The following SPX variants were observed in gnomAD, a reference collection of about 807,000 sequenced individuals.
SPX encodes the protein spexin.
SPX carries 22 observed loss-of-function variants against 19.2 expected under a neutral mutation model. The ratio of observed to expected loss-of-function variants is 1.15; its 90% CI spans 0.82 to 1.64. The LOEUF is 1.64. Ranked by LOEUF, SPX falls within the 40% of genes most tolerant of loss-of-function variation. SPX has a pLI of 0.00. For missense variants in SPX, 143 were observed against 137.7 expected (o/e 1.04, Z -0.19); for synonymous variants, 50 against 53.3 (o/e 0.94, Z 0.27).
Position 21,532,307 on chromosome 12 carries a change from A to C in SPX, c.*1112A>C, listed in dbSNP as rs1158880342. 1 of 152,252 alleles carries C rather than the reference A, an allele frequency of 6.6e-6. No homozygotes were observed. The allele number at this position is 152,252 out of a possible 1,614,324, so 9.4% of individuals were successfully genotyped here. On this transcript the variant is annotated 3_prime_UTR_variant, in exon 6 of 6. Coordinates refer to ENST00000256969, the MANE Select transcript of SPX (RefSeq NM_030572.4). ...GAAAGTATTAATTCTTATTGTCATC[A>C]GTATTTAGCCATTATTTAGTAGCTC...
chr12:21,530,651 C>T (rs1027254966), intron 5 of SPX, among the ~76,000 whole-genome samples: 3 of 152,146 alleles, frequency 2.0e-5, no homozygotes, highest in Non-Finnish European at 4.4e-5. Flanking sequence ...AGCCAGCAAA[C>T]GAGTGCCTCT....
chr12:21,527,474 CCGACCTCCGCTCCAAAGCGCCCTTG>C (rs1943825100), intron 3 of SPX: 1 of 600,026 alleles, frequency 1.7e-6, no homozygotes, highest in Middle Eastern at 4.4e-4. Context: ...TCTCAGTAAC[CCGACCTCCGCTCCAAAGCGCCCTTG>C]CGGCGTCCGG....
intron 4 of SPX, chr12:21,528,134 GA>G (rs1316382727): frequency 3.8e-6 from 1 of 266,496 alleles, no homozygotes; most frequent in African/African-American, 2.2e-5. Flanking sequence ...GTTAGGACCT[GA>G]GGTGCAGCTC....
Position 21,531,334 on chromosome 12 carries a change from T to C in SPX, c.*139T>C. ...TAGTTTTATTCTTTCAGAAACAAAA[T>C]ATATATAGGATGCTTAGCTGAGAAC... On this transcript the variant is annotated 3_prime_UTR_variant, in exon 6 of 6. Transcript: ENST00000256969. The C allele has an allele frequency of 1.6e-6, 1 of 607,706 alleles. No homozygotes were observed. The highest frequency in any genetic ancestry group is 2.7e-6 in the Non-Finnish European group (1 of 366,710). The allele number at this position is 607,706 out of a possible 1,614,324, so 37.6% of individuals were successfully genotyped here.
chr12:21,527,952 GGCA>G (rs745877318), intron 4 of SPX, 163 bp downstream of exon 4: 134 of 699,470 alleles, frequency 1.9e-4, no homozygotes, highest in South Asian at 9.9e-4. Context: ...AGCCCGGGTT[GGCA>G]GCAGCAGCAG....
chr12:21,529,986 A>G (rs1255012455), intron 5 of SPX, among the ~76,000 whole-genome samples: 6 of 152,248 alleles, frequency 3.9e-5, no homozygotes, highest in African/African-American at 1.4e-4. Context: ...ATAATGGACA[A>G]GAGAGAGCTA....
chr12:21,530,873 C>G (rs774315522), intron 5 of SPX, among the ~76,000 whole-genome samples: 1 of 152,054 alleles, frequency 6.6e-6, no homozygotes, highest in African/African-American at 2.4e-5. Flanking sequence ...GAGATTTTTA[C>G]CAGACATACC....
chr12:21,529,739 G>T (rs1340798170), intron 5 of SPX, among the ~76,000 whole-genome samples: 3 of 152,228 alleles, frequency 2.0e-5, no homozygotes, highest in Admixed American at 6.5e-5. Context: ...AGAGAAAGCA[G>T]GTCTCAGGCT....
rs547944799 is a variant in SPX at position 21,526,466 on chromosome 12, G to A, written c.-7G>A. 23 of 1,591,346 alleles carry A rather than the reference G, an allele frequency of 1.4e-5. No individual in the cohort carries two copies. In the East Asian group the frequency reaches 3.6e-4, roughly 25 times the overall value. On this transcript the variant is annotated 5_prime_UTR_variant, in exon 1 of 6. Coordinates refer to ENST00000256969, the MANE Select transcript of SPX (RefSeq NM_030572.4). Reference sequence around the variant, plus strand: ...AGTTATTTCAGGGTTCTGAAAAGACGCAGAACATGAAGGTAAGTAAAGGCT... The same window carrying A: ...AGTTATTTCAGGGTTCTGAAAAGACACAGAACATGAAGGTAAGTAAAGGCT...
chr12:21,527,564 G>A (rs1288839299), intron 3 of SPX, 163 bp from the exon 4 acceptor site: 2 of 705,906 alleles, frequency 2.8e-6, no homozygotes, highest in East Asian at 2.7e-5. Flanking sequence ...GCCCGGGGTT[G>A]CGCTGGGAGC....
intron 4 of SPX, among the ~76,000 whole-genome samples, chr12:21,528,337 C>T (rs933447671): frequency 1.3e-5 from 2 of 152,172 alleles, no homozygotes; most frequent in Non-Finnish European, 1.5e-5. Flanking sequence ...AAAAGAGTAA[C>T]ATGCGGGCAG....
chr12:21,531,443 T>C lies in SPX; in HGVS notation c.*248T>C, dbSNP rs1943864457. On this transcript the variant is annotated 3_prime_UTR_variant, in exon 6 of 6. Transcript: ENST00000256969. ...CCTTGTGTCTTACTCTTGAGTTTCT[T>C]AGAATATTTATAATTATAAGGCTGA... 3.2e-6 allele frequency: 1 copy of C among 308,402 alleles called. No individual in the cohort carries two copies. The highest frequency in any genetic ancestry group is 5.9e-6 in the Non-Finnish European group (1 of 170,350). 19.1% of individuals were successfully genotyped at this position (308,402 alleles called of 1,614,324 possible). A position where few individuals can be genotyped will look rare whatever the true frequency, so the allele number is the denominator to read the frequency against.
rs2136824665 is a variant in SPX at position 21,531,864 on chromosome 12, T to A, written c.*669T>A. 6.6e-6 allele frequency: 1 copy of A among 152,278 alleles called. No homozygotes were observed. Among genetic ancestry groups the A allele is most frequent in the South Asian group, 2.1e-4 (1 of 4,818 alleles). The allele number at this position is 152,278 out of a possible 1,614,324, so 9.4% of individuals were successfully genotyped here. A position where few individuals can be genotyped will look rare whatever the true frequency, so the allele number is the denominator to read the frequency against. On this transcript the variant is annotated 3_prime_UTR_variant, in exon 6 of 6. Coordinates refer to ENST00000256969, the MANE Select transcript of SPX (RefSeq NM_030572.4). ...CTTGCATTCAGTTTAGAAACATGGA[T>A]CTAAAAGTTACTGGGAAATAAGCAG...
intron 1 of SPX, 144 bp from the exon 2 acceptor site, chr12:21,526,742 A>G: frequency 1.2e-6 from 1 of 831,840 alleles, no homozygotes; most frequent in Non-Finnish European, 1.9e-6. Context: ...TAGAAGGTAG[A>G]AGGGAAACAC....
intron 3 of SPX, 87 bp from the exon 4 acceptor site, chr12:21,527,640 G>A (rs112476704): frequency 7.4e-6 from 10 of 1,348,470 alleles, no homozygotes; most frequent in Non-Finnish European, 9.3e-6. Flanking sequence ...CACGCCCGGG[G>A]ACTGCGCTGT....
intron 1 of SPX, 38 bp downstream of exon 1, chr12:21,526,516 AT>A: frequency 1.3e-6 from 2 of 1,576,296 alleles, no homozygotes; most frequent in Non-Finnish European, 8.7e-7. Flanking sequence ...CTTCTTAGCT[AT>A]TTTTTAAAAC....
rs780501195 is a variant in SPX, at chr12:21,527,413, G to T, written c.145+221G>T. ...TATTAGAAATTCTCCATCCAAAACTGGAGGGTTGCTTCTCTTGGTCCAAAT... is the reference window on the plus strand; with the variant it reads ...TATTAGAAATTCTCCATCCAAAACTTGAGGGTTGCTTCTCTTGGTCCAAAT... On this transcript the variant is annotated intron_variant, in intron 3 of 5. Transcript: ENST00000256969. 4.9e-6 allele frequency: 3 copies of T among 607,390 alleles called. No homozygotes were observed. The African/African-American group carries it at 5.6e-5, about 11-fold the overall frequency. 37.6% of individuals were successfully genotyped at this position (607,390 alleles called of 1,614,324 possible).
At chr12:21,529,653 C>T (rs1383842365) in intron 5 of SPX, among the ~76,000 whole-genome samples, 1 of 152,168 alleles carries the variant, frequency 6.6e-6, no homozygotes, top group Non-Finnish European at 1.5e-5. Flanking sequence ...TGCCCAGTGA[C>T]ACAGCTTGCT....
chr12:21,527,096 A>C (rs1454639219), intron 2 of SPX, 39 bp from the exon 3 acceptor site: 1 of 1,604,756 alleles, frequency 6.2e-7, no homozygotes, highest in Non-Finnish European at 8.5e-7. Flanking sequence ...CTGAGCTGCA[A>C]TGTTTTATTA....
Sources: gnomAD v4.1 joint callset for allele counts (sites outside exome capture counted in the v4.1 genomes callset) on GRCh38, gnomAD v4.1.1 for gene constraint, MANE v1.5 for transcripts, NCBI Gene and HGNC (gene_info 2026-07-23, HGNC 2026-07-21) for gene names.